PXDNL: variants seen among roughly 807,000 people sequenced by gnomAD.
PXDNL encodes the protein peroxidasin like.
Under a neutral mutation model 150.8 loss-of-function variants are expected in PXDNL, and 145 were observed. The ratio of observed to expected loss-of-function variants is 0.96; its 90% CI spans 0.84 to 1.10. PXDNL has a LOEUF of 1.10. Ranked by LOEUF, PXDNL falls within the 50% of genes least tolerant of loss-of-function variation. PXDNL has a pLI of 0.00. For synonymous variants in PXDNL, 757 were observed against 725.7 expected (o/e 1.04, Z -0.69); for missense variants, 2,087 against 1,873.9 (o/e 1.11, Z -2.10).
At chr8:51,366,155 A>G (rs1181207030) in intron 19 of PXDNL, among the ~76,000 whole-genome samples, 1 of 152,236 alleles carries the variant, frequency 6.6e-6, no homozygotes. Context: ...AGCTTAGCCC[A>G]AAGCTGCCTC....
chr8:51,420,431 T>G (rs977444006), intron 14 of PXDNL, among the ~76,000 whole-genome samples: 1 of 152,244 alleles, frequency 6.6e-6, no homozygotes. Flanking sequence ...TTTAAATTTG[T>G]ATTCTTTCAT....
intron 4 of PXDNL, among the ~76,000 whole-genome samples, chr8:51,523,924 T>G (rs1026233996): frequency 7.9e-5 from 12 of 152,190 alleles, no homozygotes; most frequent in African/African-American, 2.9e-4. Flanking sequence ...AAGGAAAATC[T>G]CCATGATGTT....
chr8:51,662,952 T>C (rs1055694165), intron 1 of PXDNL, among the ~76,000 whole-genome samples: 3 of 152,368 alleles, frequency 2.0e-5, no homozygotes, highest in Admixed American at 2.0e-4. Context: ...CTTGATCTTT[T>C]TTAAATGAAT....
rs145865643 is a variant in PXDNL at position 51,451,688 on chromosome 8, A to G, written c.1249+1831T>C. On this transcript the variant is annotated intron_variant, in intron 10 of 22. Transcript: ENST00000356297. ...TGTGTTATTTTATTTTAGTCAGTCTAAAAAAGGAAGTTTATCTGTGGATAA... is the reference window on the plus strand; with the variant it reads ...TGTGTTATTTTATTTTAGTCAGTCTGAAAAAGGAAGTTTATCTGTGGATAA... Among the ~76,000 whole-genome samples, 1,188 of 152,202 alleles carry G rather than the reference A, an allele frequency of 7.8e-3. 20 individuals carry two copies. The highest frequency in any genetic ancestry group is 0.027 in the African/African-American group (1,141 of 41,522).
intron 3 of PXDNL, among the ~76,000 whole-genome samples, chr8:51,589,724 A>G (rs947719164): frequency 6.6e-6 from 1 of 152,232 alleles, no homozygotes; most frequent in East Asian, 1.9e-4. Context: ...AGGTTGCTGC[A>G]TGGCTACTTC....
At chr8:51,735,555 T>TTTTG (rs1563304360) in intron 1 of PXDNL, among the ~76,000 whole-genome samples, 26 of 114,700 alleles carry the variant, frequency 2.3e-4, no homozygotes, top group African/African-American at 6.9e-4. Context: ...TTTTTTTTTT[T>TTTTG]TTTTTTTTTG....
At chr8:51,728,740 G>C (rs1816865368) in intron 1 of PXDNL, among the ~76,000 whole-genome samples, 1 of 152,132 alleles carries the variant, frequency 6.6e-6, no homozygotes, top group Non-Finnish European at 1.5e-5. Context: ...AGTTTATAAT[G>C]AAAAACTTTA....
rs1815696484 is a variant in PXDNL at position 51,679,493 on chromosome 8, G to C, written c.165-24733C>G. The stretch of plus-strand genomic sequence containing the variant: ...ATAGGAGTAGGATTTGCTAAATCAG[G>C]GGTGGAGAATATAGAGATTGCTGAC... On this transcript the variant is annotated intron_variant, in intron 1 of 22. Transcript: ENST00000356297. Among the ~76,000 whole-genome samples, 3 of 152,148 alleles carry C rather than the reference G, an allele frequency of 2.0e-5. No homozygotes were observed. In the South Asian group the frequency reaches 6.2e-4, roughly 32 times the overall value.
intron 17 of PXDNL, among the ~76,000 whole-genome samples, chr8:51,397,893 T>C (rs1808134733): frequency 6.6e-6 from 1 of 152,148 alleles, no homozygotes; most frequent in African/African-American, 2.4e-5. Context: ...CTCCTAATGC[T>C]ATCCCTCCCC....
intron 3 of PXDNL, among the ~76,000 whole-genome samples, chr8:51,558,689 T>C (rs1812647744): frequency 6.6e-6 from 1 of 151,980 alleles, no homozygotes; most frequent in Non-Finnish European, 1.5e-5. Context: ...TTGTAGAAAA[T>C]GGTTCAGGAA....
intron 3 of PXDNL, among the ~76,000 whole-genome samples, chr8:51,582,999 C>G (rs1293148331): frequency 6.6e-6 from 1 of 152,160 alleles, no homozygotes; most frequent in Admixed American, 6.5e-5. Context: ...GAAATACCAT[C>G]TAGCACTAAA....
intron 1 of PXDNL, among the ~76,000 whole-genome samples, chr8:51,772,120 C>A (rs534419936): frequency 1.3e-5 from 2 of 152,000 alleles, no homozygotes; most frequent in Non-Finnish European, 2.9e-5. Context: ...CCCCGCACAC[C>A]ATGTCTCACC....
intron 11 of PXDNL, among the ~76,000 whole-genome samples, chr8:51,448,665 A>T (rs1485961226): frequency 6.6e-6 from 1 of 151,960 alleles, no homozygotes; most frequent in African/African-American, 2.4e-5. Flanking sequence ...GCACCACTGC[A>T]CTCCAGCCTG....
intron 1 of PXDNL, among the ~76,000 whole-genome samples, chr8:51,737,217 ACT>A (rs1491253355): frequency 2.6e-5 from 4 of 152,114 alleles, no homozygotes; most frequent in Non-Finnish European, 4.4e-5. Context: ...AAAAGATAAA[ACT>A]CTGTTTTTCT....
intron 2 of PXDNL, among the ~76,000 whole-genome samples, chr8:51,635,658 A>G (rs1299944033): frequency 2.0e-5 from 3 of 152,078 alleles, no homozygotes; most frequent in Admixed American, 2.0e-4. Context: ...TCTCAAAAAA[A>G]GCAGAAAATC....
intron 4 of PXDNL, among the ~76,000 whole-genome samples, chr8:51,534,800 G>C (rs1812024318): frequency 7.5e-6 from 1 of 133,926 alleles, no homozygotes; most frequent in East Asian, 2.4e-4. Context: ...GAGGTGGGGG[G>C]GTCAGCCCCC....
intron 9 of PXDNL, among the ~76,000 whole-genome samples, chr8:51,454,474 C>T (rs1042787195): frequency 3.3e-5 from 5 of 152,044 alleles, no homozygotes; most frequent in Admixed American, 2.0e-4. Flanking sequence ...TTCAGCTAAA[C>T]GTATTATAAA....
chr8:51,330,315 C>T (rs183646082), intron 21 of PXDNL, among the ~76,000 whole-genome samples: 92 of 152,184 alleles, frequency 6.0e-4, no homozygotes, highest in Middle Eastern at 6.8e-3. Flanking sequence ...TCAATAGTAA[C>T]TTCCCAAACT....
intron 17 of PXDNL, among the ~76,000 whole-genome samples, chr8:51,397,740 T>A (rs944861111): frequency 6.6e-6 from 1 of 152,158 alleles, no homozygotes; most frequent in Non-Finnish European, 1.5e-5. Context: ...CACTCAGGTC[T>A]AAGTAGGGAG....
Sources: allele counts gnomAD v4.1 joint callset (sites outside exome capture counted in the v4.1 genomes callset), GRCh38; gene constraint gnomAD v4.1.1; transcripts MANE v1.5; gene names NCBI Gene and HGNC (gene_info 2026-07-23, HGNC 2026-07-21).